Variants in CSMD3 observed in about 807,000 individuals in gnomAD.
CSMD3 encodes CUB and Sushi multiple domains 3.
CSMD3 carries 177 observed loss-of-function variants against 435.2 expected under a neutral mutation model. The ratio of observed to expected loss-of-function variants is 0.41; its 90% CI spans 0.36 to 0.46. CSMD3 has a LOEUF of 0.46. Ranked by LOEUF, CSMD3 falls within the 20% of genes least tolerant of loss-of-function variation. CSMD3 has a pLI of 0.34. For missense variants in CSMD3, 4,265 were observed against 4,504.6 expected (o/e 0.95, Z 1.52); for synonymous variants, 1,656 against 1,520.5 (o/e 1.09, Z -2.07).
chr8:113,278,322 G>C (rs879869216), intron 3 of CSMD3, among the ~76,000 whole-genome samples: 2 of 151,702 alleles, frequency 1.3e-5, no homozygotes, highest in Non-Finnish European at 2.9e-5. Flanking sequence ...ACACAAATCA[G>C]GTCTAGAGTC....
chr8:112,240,565 G>C (rs1563675020), intron 66 of CSMD3, among the ~76,000 whole-genome samples: 1 of 152,098 alleles, frequency 6.6e-6, no homozygotes, highest in Non-Finnish European at 1.5e-5. Context: ...ACTAAAATTA[G>C]ATCCTAATGT....
intron 12 of CSMD3, among the ~76,000 whole-genome samples, chr8:112,810,782 G>T (rs2079203983): frequency 6.6e-6 from 1 of 152,122 alleles, no homozygotes; most frequent in East Asian, 1.9e-4. Flanking sequence ...CTCTGAATAA[G>T]TATTTTGGCC....
chr8:113,197,707 G>T (rs2092674000), intron 3 of CSMD3, among the ~76,000 whole-genome samples: 1 of 150,994 alleles, frequency 6.6e-6, no homozygotes, highest in Admixed American at 6.6e-5. Context: ...ATTTTAAAAC[G>T]ATCTTATAGT....
At chr8:112,750,796 T>C (rs2077552148) in intron 13 of CSMD3, among the ~76,000 whole-genome samples, 1 of 152,100 alleles carries the variant, frequency 6.6e-6, no homozygotes, top group African/African-American at 2.4e-5. Context: ...AAAGTTCTAA[T>C]GGTAGAAGGC....
At chr8:112,719,979 A>G (rs2131963354) in intron 13 of CSMD3, among the ~76,000 whole-genome samples, 1 of 152,314 alleles carries the variant, frequency 6.6e-6, no homozygotes, top group East Asian at 1.9e-4. Flanking sequence ...AGAGAGACGA[A>G]GAACCTATCT....
chr8:113,224,859 G>C (rs1312710257), intron 3 of CSMD3, among the ~76,000 whole-genome samples: 2 of 150,850 alleles, frequency 1.3e-5, no homozygotes, highest in Non-Finnish European at 3.0e-5. Context: ...TCATCTAAGA[G>C]GTATGAAATG....
intron 3 of CSMD3, among the ~76,000 whole-genome samples, chr8:113,274,459 T>C (rs900899262): frequency 2.0e-5 from 3 of 152,030 alleles, no homozygotes; most frequent in African/African-American, 7.2e-5. Context: ...AGTATAGAAA[T>C]CAAGAGTAAG....
intron 5 of CSMD3, among the ~76,000 whole-genome samples, chr8:113,086,629 A>G (rs1002341745): frequency 1.3e-5 from 2 of 152,206 alleles, no homozygotes; most frequent in Non-Finnish European, 2.9e-5. Context: ...TTCATCAGGC[A>G]TATCTACTGA....
chr8:113,054,453 A>G lies in CSMD3; in HGVS notation c.918-35274T>C, dbSNP rs976818197. On this transcript the variant is annotated intron_variant, in intron 5 of 70. Coordinates refer to ENST00000297405, the MANE Select transcript of CSMD3 (RefSeq NM_198123.2). ...ATGAAAACAATCCCATGAAGATATC[A>G]TATTTCTACCAGGAAATCTACCATC... 6.6e-5 allele frequency among the ~76,000 whole-genome samples: 10 copies of G among 152,278 alleles called. No homozygotes were observed. In the South Asian group the frequency reaches 1.2e-3, roughly 19 times the overall value.
chr8:112,744,606 A>T (rs1443247151), intron 13 of CSMD3, among the ~76,000 whole-genome samples: 1 of 151,990 alleles, frequency 6.6e-6, no homozygotes, highest in East Asian at 1.9e-4. Context: ...TCTGTCCTTA[A>T]TATAGAGATT....
At chr8:113,415,119 A>C (rs981572418) in intron 1 of CSMD3, among the ~76,000 whole-genome samples, 1 of 152,200 alleles carries the variant, frequency 6.6e-6, no homozygotes, top group African/African-American at 2.4e-5. Flanking sequence ...CATGAAGGCA[A>C]TTGTAATTTG....
intron 3 of CSMD3, among the ~76,000 whole-genome samples, chr8:113,175,179 AATTTT>A (rs2092329057): frequency 6.6e-6 from 1 of 151,826 alleles, no homozygotes; most frequent in Non-Finnish European, 1.5e-5. Context: ...TATATAGCTT[AATTTT>A]GAGAGTGTTT....
chr8:113,300,605 C>T (rs1449090000), intron 2 of CSMD3, among the ~76,000 whole-genome samples: 1 of 152,118 alleles, frequency 6.6e-6, no homozygotes, highest in African/African-American at 2.4e-5. Context: ...CCAAATACCA[C>T]ATATTCTCAC....
In CSMD3 at chr8:112,773,801, G is replaced by T. The variant is rs2078179770; in HGVS notation, c.1972+26361C>A. ...AGAATGAAGATGAAATAATAGGTGG[G>T]GTTATAAATAGACGAAAAGTATATA... is the stretch of plus-strand genomic sequence containing the variant. On this transcript the variant is annotated intron_variant, in intron 13 of 70. Transcript: ENST00000297405. 2.0e-5 allele frequency among the ~76,000 whole-genome samples: 3 copies of T among 151,862 alleles called. No homozygotes were observed. The South Asian group carries it at 6.2e-4, about 31-fold the overall frequency.
At chr8:112,945,044 T>G (rs922428622) in intron 9 of CSMD3, among the ~76,000 whole-genome samples, 1 of 151,712 alleles carries the variant, frequency 6.6e-6, no homozygotes, top group Non-Finnish European at 1.5e-5. Context: ...TCTTCTAAAA[T>G]GTACAACTTC....
At chr8:113,074,324 T>C (rs536962639) in intron 5 of CSMD3, among the ~76,000 whole-genome samples, 1 of 151,974 alleles carries the variant, frequency 6.6e-6, no homozygotes, top group Admixed American at 6.6e-5. Context: ...GTAATTATAA[T>C]TGTCTTTCTA....
At chr8:112,586,989 G>T (rs2131351902) in intron 23 of CSMD3, 77 bp downstream of exon 23, 1 of 929,106 alleles carries the variant, frequency 1.1e-6, no homozygotes, top group Non-Finnish European at 1.7e-6. Flanking sequence ...TATATATATA[G>T]ATGTATATAT....
chr8:113,181,471 A>T (rs529062209), intron 3 of CSMD3, among the ~76,000 whole-genome samples: 34 of 152,212 alleles, frequency 2.2e-4, no homozygotes, highest in African/African-American at 8.2e-4. Flanking sequence ...TTTGCACCAT[A>T]TACAAGGACA....
chr8:113,330,925 C>T (rs1486221418), intron 1 of CSMD3, among the ~76,000 whole-genome samples: 2 of 151,796 alleles, frequency 1.3e-5, no homozygotes, highest in Admixed American at 1.3e-4. Context: ...CAGAAGCCAA[C>T]TAAGCCTCAC....
Sources: allele counts gnomAD v4.1 joint callset (sites outside exome capture counted in the v4.1 genomes callset), GRCh38; gene constraint gnomAD v4.1.1; transcripts MANE v1.5; gene names NCBI Gene and HGNC (gene_info 2026-07-23, HGNC 2026-07-21).